The following HSF2 variants were observed in gnomAD, a reference collection of about 807,000 sequenced individuals.
HSF2 encodes heat shock factor protein 2.
Under a neutral mutation model 65.0 loss-of-function variants are expected in HSF2, and 21 were observed. The observed-to-expected ratio is 0.32, with a 90% CI of 0.23 to 0.47. The LOEUF (loss-of-function observed/expected upper bound fraction) is 0.47. Ranked by LOEUF, HSF2 falls within the 20% of genes least tolerant of loss-of-function variation. The pLI, the probability that HSF2 is intolerant of heterozygous loss-of-function variation, is 1.00. For synonymous variants in HSF2, 225 were observed against 219.1 expected, an observed-to-expected ratio of 1.03 and a Z score of -0.24; for missense variants, 499 against 628.1, an observed-to-expected ratio of 0.79 and a Z score of 2.20.
chr6:122,415,130 C>T (rs994835009), intron 4 of HSF2, among the ~76,000 whole-genome samples: 1 of 152,074 alleles, frequency 6.6e-6, no homozygotes, highest in East Asian at 1.9e-4. Context: ...CAGCATTCTC[C>T]GTGCTGCGAA....
At chr6:122,422,085 A>T (rs970850108) in intron 7 of HSF2, 65 bp from the exon 8 acceptor site, 14 of 1,136,048 alleles carry the variant, frequency 1.2e-5, no homozygotes, top group Non-Finnish European at 1.7e-5. Flanking sequence ...TATTTTGTAG[A>T]TGATATCTTG....
chr6:122,419,672 C>G (rs868786612), intron 6 of HSF2, among the ~76,000 whole-genome samples: 6 of 152,146 alleles, frequency 3.9e-5, no homozygotes, highest in Middle Eastern at 3.4e-3. Flanking sequence ...TCAGTAGCTA[C>G]TATTGTCACA....
intron 4 of HSF2, among the ~76,000 whole-genome samples, 180 bp from the exon 5 acceptor site, chr6:122,416,041 G>T (rs925847998): frequency 6.6e-6 from 1 of 152,072 alleles, no homozygotes; most frequent in African/African-American, 2.4e-5. Context: ...AATGATTCAG[G>T]AGTTGTGTCA....
At chr6:122,423,835 A>G in intron 10 of HSF2, 149 bp downstream of exon 10, 1 of 484,842 alleles carries the variant, frequency 2.1e-6, no homozygotes, top group Non-Finnish European at 3.6e-6. Flanking sequence ...AGAAAGAATG[A>G]AAAAATAGGT....
chr6:122,417,671 T>C (rs1774154104), intron 5 of HSF2, among the ~76,000 whole-genome samples: 1 of 152,188 alleles, frequency 6.6e-6, no homozygotes, highest in African/African-American at 2.4e-5. Flanking sequence ...AGACGCCTTA[T>C]CTTCTTCAGA....
intron 1 of HSF2, among the ~76,000 whole-genome samples, chr6:122,402,832 G>A (rs1247420356): frequency 1.3e-5 from 2 of 152,092 alleles, no homozygotes; most frequent in African/African-American, 4.8e-5. Context: ...GATTACAGGT[G>A]TGAGCCACCG....
At position 122,405,214 on chromosome 6, in the gene HSF2, G is replaced by C. The variant is rs1023067213; in HGVS notation, c.93+5384G>C. On this transcript the variant is annotated intron_variant, in intron 1 of 12. Transcript: ENST00000368455. ...TTGGGAGGATTGCTTGAGCCCAGGA[G>C]TTTGAGGCTAGCTTGGGCAACATAC... Among the ~76,000 whole-genome samples, 5 of 147,156 alleles carry C rather than the reference G, an allele frequency of 3.4e-5. No individual in the cohort carries two copies. The South Asian group carries it at 1.1e-3, about 32-fold the overall frequency.
intron 1 of HSF2, among the ~76,000 whole-genome samples, chr6:122,404,002 C>G (rs1773804073): frequency 6.6e-6 from 1 of 152,166 alleles, no homozygotes; most frequent in Non-Finnish European, 1.5e-5. Flanking sequence ...AAGGAAAGAA[C>G]TGGAAGGTCA....
At position 122,399,783 on chromosome 6, in the gene HSF2, A is replaced by G. The variant is rs2081372370; in HGVS notation, c.46A>G (p.Thr16Ala). The change falls in exon 1 of 13, where the codon ACG (threonine) becomes GCG (alanine). Residue 16 changes from threonine (T) to alanine (A), a missense_variant. Thr to Ala is a moderately conservative substitution (Grantham distance 58). This residue lies in a region of HSF2 where 150 missense variants were observed against 234.6 expected (regional missense o/e 0.64). Coordinates refer to ENST00000368455, the MANE Select transcript of HSF2 (RefSeq NM_004506.4). ...GCCGGCTTTCCTCAGCAAGCTGTGG[A>G]CGCTTGTGGAGGAAACCCACACTAA... ...NVPAFLSKLW[T>A]LVEETHTNEF... 6.2e-7 allele frequency: 1 copy of G among 1,612,238 alleles called. No homozygotes were observed. Among genetic ancestry groups the G allele is most frequent in the Non-Finnish European group, 8.5e-7 (1 of 1,179,304 alleles).
chr6:122,412,930 G>A lies in HSF2; in HGVS notation c.330+166G>A, dbSNP rs1181355223. ...TTCCCTGTATTTTTTTCCTAAGTTA[G>A]CTTAAAAAAAAAAAAAAGTTTAAGT... On this transcript the variant is annotated intron_variant, in intron 3 of 12. Coordinates refer to ENST00000368455, the MANE Select transcript of HSF2 (RefSeq NM_004506.4). 4.0e-5 allele frequency among the ~76,000 whole-genome samples: 6 copies of A among 148,768 alleles called. No homozygotes were observed. In the East Asian group the frequency reaches 9.8e-4, roughly 24 times the overall value.
chr6:122,413,323 A>AAT (rs1774042355), intron 3 of HSF2, among the ~76,000 whole-genome samples: 1 of 151,234 alleles, frequency 6.6e-6, no homozygotes, highest in Non-Finnish European at 1.5e-5. Context: ...TTAAAAAAAA[A>AAT]TTTTTTTTAA....
Position 122,423,016 on chromosome 6 carries a change from T to G in HSF2, c.1070+59T>G, listed in dbSNP as rs1582618517. ...TTGCTTTCTTTGTTCACTTCACATGTTCTGTTTCTCTTTGAGTAATCTTCC... is the reference window on the plus strand; with the variant it reads ...TTGCTTTCTTTGTTCACTTCACATGGTCTGTTTCTCTTTGAGTAATCTTCC... On this transcript the variant is annotated intron_variant, in intron 9 of 12. Coordinates refer to ENST00000368455, the MANE Select transcript of HSF2 (RefSeq NM_004506.4). 5 of 1,577,490 alleles carry G rather than the reference T, an allele frequency of 3.2e-6. No individual in the cohort carries two copies. The East Asian group carries it at 1.1e-4, about 35-fold the overall frequency.
chr6:122,432,341 A>G lies in HSF2; in HGVS notation c.*121A>G. ...GTTTTGTTTAATCAGATACTGTGGA[A>G]TAAAAGCACCTTTTGCTTTTCTCAC... On this transcript the variant is annotated 3_prime_UTR_variant, in exon 13 of 13. Coordinates refer to ENST00000368455, the MANE Select transcript of HSF2 (RefSeq NM_004506.4). 1.3e-6 allele frequency: 1 copy of G among 797,964 alleles called. No individual in the cohort carries two copies. The highest frequency in any genetic ancestry group is 2.0e-6 in the Non-Finnish European group (1 of 507,362). 49.4% of individuals were successfully genotyped at this position (797,964 alleles called of 1,614,324 possible).
At chr6:122,405,724 G>A (rs1773855614) in intron 1 of HSF2, among the ~76,000 whole-genome samples, 2 of 152,166 alleles carry the variant, frequency 1.3e-5, no homozygotes, top group African/African-American at 4.8e-5. Context: ...AGTTTAAATA[G>A]AACACAGCTA....
At chr6:122,420,954 T>G (rs1356418902) in intron 7 of HSF2, among the ~76,000 whole-genome samples, 1 of 151,804 alleles carries the variant, frequency 6.6e-6, no homozygotes, top group Non-Finnish European at 1.5e-5. Context: ...TCAAGCCATC[T>G]GCCTGCCTCA....
rs1191297177 is a variant in HSF2 at position 122,431,438 on chromosome 6, T to A, written c.1239T>A (p.Asn413Lys). 4 of 1,522,570 alleles carry A rather than the reference T, an allele frequency of 2.6e-6. No homozygotes were observed. The East Asian group carries it at 9.3e-5, about 35-fold the overall frequency. 94.3% of individuals were successfully genotyped at this position (1,522,570 alleles called of 1,614,324 possible). Residue 413 changes from asparagine to lysine, a missense_variant, in exon 12 of 13, where the codon AAT becomes AAA. Coordinates refer to ENST00000368455, the MANE Select transcript of HSF2 (RefSeq NM_004506.4). ...ATATTTTTTTCTTTTAGTCTGAGAA[T>A]AAAGGATTAGAAACTACCAAGAACA... ...TDYINNTKSE[N>K]KGLETTKNNV... is the part of the protein sequence containing the mutation.
intron 10 of HSF2, among the ~76,000 whole-genome samples, chr6:122,425,728 T>A (rs376689061): frequency 6.6e-6 from 1 of 152,156 alleles, no homozygotes; most frequent in East Asian, 1.9e-4. Flanking sequence ...GCACCCAATC[T>A]TTCAGCCTCT....
rs141386817 is a variant in HSF2 at position 122,413,279 on chromosome 6, C to CT, written c.331-245dup. ...TGGCATAAGGGGAGAATAAAAGACTCTAAGATATTCCTGCTTGCGGAAACT... is the reference window on the plus strand; with the variant it reads ...TGGCATAAGGGGAGAATAAAAGACTCTTAAGATATTCCTGCTTGCGGAAACT... On this transcript the variant is annotated intron_variant, in intron 3 of 12. Coordinates refer to ENST00000368455, the MANE Select transcript of HSF2 (RefSeq NM_004506.4). Among the ~76,000 whole-genome samples, 1,420 of 151,474 alleles carry CT rather than the reference C, an allele frequency of 9.4e-3. 17 individuals carry two copies. Among genetic ancestry groups the CT allele is most frequent in the African/African-American group, 0.032 (1,316 of 41,312 alleles).
chr6:122,422,888 G>A lies in HSF2; in HGVS notation c.1001G>A (p.Ser334Asn), dbSNP rs748090198. ...SSAVQLNGSS[S>N]LTSEDPVTMM... is the part of the protein sequence containing the mutation. ...GCTGTCCAGCTAAATGGCTCATCCA[G>A]TCTGACCTCAGAAGATCCAGTGACC... is the stretch of plus-strand genomic sequence containing the variant. Residue 334 changes from serine to asparagine, a missense_variant, in exon 9 of 13, where the codon AGT becomes AAT. By Grantham distance (46) the Ser-to-Asn change is conservative (BLOSUM62 1). Coordinates refer to ENST00000368455, the MANE Select transcript of HSF2 (RefSeq NM_004506.4). 6 of 1,613,490 alleles carry A rather than the reference G, an allele frequency of 3.7e-6. No homozygotes were observed. Among genetic ancestry groups the A allele is most frequent in the African/African-American group, 2.7e-5 (2 of 74,902 alleles).
Sources: allele counts gnomAD v4.1 joint callset (sites outside exome capture counted in the v4.1 genomes callset), GRCh38; gene constraint gnomAD v4.1.1; regional missense constraint gnomAD v4.1.1; transcripts MANE v1.5; gene names NCBI Gene and HGNC (gene_info 2026-07-23, HGNC 2026-07-21).